Variants in AFAP1L2 observed in about 807,000 individuals in gnomAD.
AFAP1L2 encodes actin filament associated protein 1 like 2.
A neutral mutation model predicts 99.3 loss-of-function variants in AFAP1L2; 46 were observed. That is an observed-to-expected ratio of 0.46 (90% CI 0.37 to 0.59). AFAP1L2 has a LOEUF of 0.59. Among genes scored for constraint, AFAP1L2 ranks in the 20% least tolerant of loss-of-function variants. AFAP1L2 has a pLI of 0.00. For missense variants in AFAP1L2, 959 were observed against 1,034.9 expected (o/e 0.93, Z 1.01); for synonymous variants, 397 against 419.1 (o/e 0.95, Z 0.64).
Position 114,361,451 on chromosome 10 carries a change from C to T in AFAP1L2, c.17-20720G>A, listed in dbSNP as rs182931007. The stretch of plus-strand genomic sequence containing the variant: ...CTGGAGATTGTTCCCAAACTCCGGG[C>T]ACCTGACTTTTAACACAGACTCATA... On this transcript the variant is annotated intron_variant, in intron 1 of 18. Coordinates refer to ENST00000304129, the MANE Select transcript of AFAP1L2 (RefSeq NM_001001936.3). 3.1e-4 allele frequency among the ~76,000 whole-genome samples: 47 copies of T among 152,264 alleles called. No individual in the cohort carries two copies. In the East Asian group the frequency reaches 5.0e-3, roughly 16 times the overall value.
intron 1 of AFAP1L2, among the ~76,000 whole-genome samples, chr10:114,392,212 C>A (rs1033837186): frequency 1.3e-5 from 2 of 151,976 alleles, no homozygotes; most frequent in Non-Finnish European, 2.9e-5. Flanking sequence ...ATAGCAAGAC[C>A]CCGCCTCTAC....
chr10:114,289,155 G>C, the AFAP1L2 span: 1 of 1,613,838 alleles, frequency 6.2e-7, no homozygotes, highest in Non-Finnish European at 8.5e-7. Flanking sequence ...CGATGCTGCG[G>C]GCCATTAGCC....
chr10:114,350,704 C>T (rs540737032), intron 1 of AFAP1L2, among the ~76,000 whole-genome samples: 7 of 152,120 alleles, frequency 4.6e-5, no homozygotes, highest in South Asian at 4.1e-4. Context: ...TTGGATGGTG[C>T]TCTGATGGGA....
rs897397260 is a variant in AFAP1L2 at position 114,301,420 on chromosome 10, G to A, written c.1476C>T (p.Gly492=). 5.0e-6 allele frequency: 8 copies of A among 1,614,086 alleles called. No homozygotes were observed. Among genetic ancestry groups the A allele is most frequent in the African/African-American group, 4.0e-5 (3 of 74,942 alleles). The part of the protein sequence containing the change: ...KFSEPNTYID[G]LPSQDRQEEL... ...CCTCCTGGCGGTCCTGGCTAGGCAG[G>A]CCATCGATGTAAGTGTTGGGCTCTG... is the stretch of plus-strand genomic sequence containing the variant. The change falls in exon 13 of 19, where the codon GGC becomes GGT. Residue 492 remains glycine, a synonymous_variant. Transcript: ENST00000304129.
intron 6 of AFAP1L2, 27 bp from the exon 7 acceptor site, chr10:114,314,077 A>G (rs1054861182): frequency 6.3e-7 from 1 of 1,594,284 alleles, no homozygotes; most frequent in Non-Finnish European, 8.6e-7. Flanking sequence ...AAGATACACC[A>G]CTTTGCCAGG....
intron 5 of AFAP1L2, among the ~76,000 whole-genome samples, chr10:114,318,941 G>A (rs1397614166): frequency 1.3e-5 from 2 of 151,872 alleles, no homozygotes; most frequent in African/African-American, 4.8e-5. Flanking sequence ...ATCACTTGAG[G>A]CCAGGAGTTT....
At chr10:114,358,893 C>G (rs111920663) in intron 1 of AFAP1L2, among the ~76,000 whole-genome samples, 2,601 of 148,448 alleles carry the variant, frequency 0.018, 80 homozygotes, top group African/African-American at 0.062. Context: ...CCAGCCTGGG[C>G]AATAGGAGCA....
chr10:114,300,471 T>G lies in AFAP1L2; in HGVS notation c.1762A>C (p.Lys588Gln). Residue 588 changes from lysine (K) to glutamine (Q), a missense_variant, in exon 14 of 19, where the codon AAG becomes CAG. This residue lies in a region of AFAP1L2 where 576 missense variants were observed against 562.1 expected (regional missense o/e 1.02). Coordinates refer to ENST00000304129, the MANE Select transcript of AFAP1L2 (RefSeq NM_001001936.3). ...TGTTCTCCCAGGTTCTCTGGACACT[T>G]TATGCAGGGCTCATCTGGGGTGGGA... ...PGPTPDEPCI[K>Q]CPENLGEQQL... The G allele has an allele frequency of 1.2e-6, 2 of 1,613,552 alleles. No homozygotes were observed. The highest frequency in any genetic ancestry group is 8.5e-7 in the Non-Finnish European group (1 of 1,179,532).
intron 1 of AFAP1L2, among the ~76,000 whole-genome samples, chr10:114,392,591 C>A (rs2057276289): frequency 6.6e-6 from 1 of 152,192 alleles, no homozygotes. Flanking sequence ...TCATTAGTGA[C>A]ACCACAGAAT....
the AFAP1L2 span, chr10:114,286,330 C>T: frequency 2.5e-6 from 4 of 1,612,658 alleles, no homozygotes; most frequent in Non-Finnish European, 3.4e-6. Flanking sequence ...AGGTTGCGGG[C>T]CCAGCGCGTC....
intron 1 of AFAP1L2, among the ~76,000 whole-genome samples, chr10:114,401,893 A>C (rs1040966465): frequency 3.3e-5 from 5 of 152,208 alleles, no homozygotes; most frequent in Non-Finnish European, 7.3e-5. Context: ...TTTCTCCTAC[A>C]TGAACTGCTT....
intron 1 of AFAP1L2, among the ~76,000 whole-genome samples, chr10:114,399,216 A>G (rs1330182512): frequency 6.6e-6 from 1 of 152,228 alleles, no homozygotes; most frequent in Non-Finnish European, 1.5e-5. Context: ...ACAAACATAG[A>G]CATGTACAAT....
At chr10:114,403,203 C>T in intron 1 of AFAP1L2, among the ~76,000 whole-genome samples, 1 of 152,216 alleles carries the variant, frequency 6.6e-6, no homozygotes, top group East Asian at 1.9e-4. Flanking sequence ...TAACCCTGTC[C>T]CCCACGCCGG....
chr10:114,309,863 C>G (rs1037624833), intron 8 of AFAP1L2, among the ~76,000 whole-genome samples: 1 of 152,148 alleles, frequency 6.6e-6, no homozygotes, highest in Non-Finnish European at 1.5e-5. Context: ...GGTCTGTATC[C>G]GTTTCCTCCA....
At chr10:114,316,426 C>T (rs72823089) in intron 5 of AFAP1L2, among the ~76,000 whole-genome samples, 3,210 of 152,306 alleles carry the variant, frequency 0.021, 49 homozygotes, top group Middle Eastern at 0.034. Context: ...CCAGTCATAG[C>T]CCTTCTTCAA....
chr10:114,333,188 A>G (rs757525988), intron 3 of AFAP1L2, 33 bp downstream of exon 3: 2 of 1,593,928 alleles, frequency 1.3e-6, no homozygotes, highest in Admixed American at 1.7e-5. Context: ...AGGAGTGGCC[A>G]TCATACCAGC....
intron 1 of AFAP1L2, among the ~76,000 whole-genome samples, chr10:114,346,271 T>C (rs2049553997): frequency 6.6e-6 from 1 of 152,156 alleles, no homozygotes; most frequent in Non-Finnish European, 1.5e-5. Flanking sequence ...CTCAGCTCTC[T>C]TGCTGGCGTC....
rs150139069 is a variant in AFAP1L2, at chr10:114,329,103, T to G, written c.315+2700A>C. Among the ~76,000 whole-genome samples, 138 of 152,290 alleles carry G rather than the reference T, an allele frequency of 9.1e-4. 1 individual carries two copies. Among genetic ancestry groups the G allele is most frequent in the Middle Eastern group, 3.4e-3 (1 of 294 alleles). ...TTACCACTTGGCTGAAAGGCCTCCTTGGGATCGTGCCATTCCTGGGTGCTG... is the reference window on the plus strand; with the variant it reads ...TTACCACTTGGCTGAAAGGCCTCCTGGGGATCGTGCCATTCCTGGGTGCTG... On this transcript the variant is annotated intron_variant, in intron 4 of 18. Transcript: ENST00000304129.
intron 8 of AFAP1L2, 83 bp from the exon 9 acceptor site, chr10:114,308,600 T>C: frequency 7.9e-7 from 1 of 1,259,578 alleles, no homozygotes; most frequent in Non-Finnish European, 1.1e-6. Flanking sequence ...AAATAATAGA[T>C]GGCTCTTGGT....
Sources: allele counts gnomAD v4.1 joint callset (sites outside exome capture counted in the v4.1 genomes callset), GRCh38; gene constraint gnomAD v4.1.1; regional missense constraint gnomAD v4.1.1; transcripts MANE v1.5; gene names NCBI Gene and HGNC (gene_info 2026-07-23, HGNC 2026-07-21).